CALN1: variants seen among roughly 807,000 people sequenced by gnomAD.
CALN1 encodes the protein calneuron 1.
In CALN1, 17 loss-of-function variants were observed where a neutral mutation model predicts 30.6. The ratio of observed to expected loss-of-function variants is 0.56; its 90% CI spans 0.38 to 0.83. The LOEUF is 0.83. Among genes scored for constraint, CALN1 ranks in the 40% least tolerant of loss-of-function variants. The probability of loss-of-function intolerance (pLI) is 0.00; values close to 1 mark genes in which losing one functional copy is unlikely to be tolerated. For synonymous variants in CALN1, 156 were observed against 131.4 expected, an observed-to-expected ratio of 1.19 and a Z score of -1.28; for missense variants, 291 against 354.9, an observed-to-expected ratio of 0.82 and a Z score of 1.45.
chr7:72,150,262 T>A (rs1436140706), intron 3 of CALN1, among the ~76,000 whole-genome samples: 1 of 152,162 alleles, frequency 6.6e-6, no homozygotes, highest in Non-Finnish European at 1.5e-5. Flanking sequence ...GGGCCTAAAT[T>A]ATTTGAATCA....
At chr7:72,414,462 G>T (rs1807359954), upstream of CALN1, among the ~76,000 whole-genome samples, 1 of 152,288 alleles carries the variant, frequency 6.6e-6, no homozygotes. Flanking sequence ...GGGATGGGTG[G>T]TGGCAAGACC....
At position 72,350,566 on chromosome 7, in the gene CALN1, G is replaced by C. The variant is rs765700774; in HGVS notation, c.119+52685C>G. ...TACTGCATGTTTTCACTTATAAGTG[G>C]GAGCTAAACATTGAGTACATATGGA... On this transcript the variant is annotated intron_variant, in intron 2 of 6. Coordinates refer to ENST00000395275, the MANE Select transcript of CALN1 (RefSeq NM_031468.4). Among the ~76,000 whole-genome samples the C allele has an allele frequency of 4.6e-4, 70 of 152,194 alleles. 1 individual carries two copies. Among genetic ancestry groups the C allele is most frequent in the Middle Eastern group, 6.8e-3 (2 of 294 alleles).
intron 5 of CALN1, among the ~76,000 whole-genome samples, chr7:71,875,831 T>C (rs1040802515): frequency 6.6e-6 from 1 of 152,166 alleles, no homozygotes; most frequent in Non-Finnish European, 1.5e-5. Flanking sequence ...GGGAGAACTT[T>C]AAAAGTGGTC....
intron 4 of CALN1, among the ~76,000 whole-genome samples, chr7:72,088,149 CAG>C (rs1423254969): frequency 3.9e-5 from 6 of 152,264 alleles, no homozygotes; most frequent in African/African-American, 7.2e-5. Flanking sequence ...GCCTGGGACA[CAG>C]AGTCAGACCC....
chr7:71,908,746 G>GTAGA (rs1794271830), intron 5 of CALN1, among the ~76,000 whole-genome samples: 1 of 152,272 alleles, frequency 6.6e-6, no homozygotes, highest in South Asian at 2.1e-4. Context: ...GGGAACTGAG[G>GTAGA]TAGAGCCTCC....
chr7:72,355,912 A>G (rs956585580), intron 2 of CALN1, among the ~76,000 whole-genome samples: 7 of 152,206 alleles, frequency 4.6e-5, no homozygotes, highest in Non-Finnish European at 1.0e-4. Context: ...AAATGGGTGC[A>G]TTTTATTATA....
At chr7:72,121,180 ATAT>A (rs1160338173) in intron 3 of CALN1, among the ~76,000 whole-genome samples, 1 of 144,694 alleles carries the variant, frequency 6.9e-6, no homozygotes, top group African/African-American at 2.5e-5. Context: ...ATATAATTAT[ATAT>A]TATGTATTAT....
intron 3 of CALN1, among the ~76,000 whole-genome samples, chr7:72,273,441 C>T (rs1444263364): frequency 4.5e-5 from 6 of 134,490 alleles, no homozygotes; most frequent in Non-Finnish European, 8.1e-5. Context: ...AAAAAAGCGG[C>T]GGGCGGGGGC....
chr7:72,181,129 T>G (rs947968363), intron 3 of CALN1, among the ~76,000 whole-genome samples: 4 of 131,546 alleles, frequency 3.0e-5, no homozygotes, highest in Non-Finnish European at 6.2e-5. Flanking sequence ...AAAAAATTTT[T>G]GGTACCCTAT....
intron 6 of CALN1, among the ~76,000 whole-genome samples, chr7:71,790,619 G>C (rs1040439711): frequency 2.6e-5 from 4 of 152,218 alleles, no homozygotes; most frequent in Admixed American, 6.5e-5. Context: ...CTGTGCCCTT[G>C]AGGTCGGCAG....
chr7:72,415,955 A>G (rs559601789), upstream of CALN1, among the ~76,000 whole-genome samples: 3 of 152,314 alleles, frequency 2.0e-5, no homozygotes, highest in East Asian at 5.8e-4. Context: ...AAAAACAAAC[A>G]GCCCCAGCCC....
chr7:72,317,782 A>T (rs1285859173), intron 2 of CALN1, among the ~76,000 whole-genome samples: 1 of 152,214 alleles, frequency 6.6e-6, no homozygotes, highest in Non-Finnish European at 1.5e-5. Flanking sequence ...TCTCCCTCCA[A>T]GAGACACCAG....
At chr7:71,813,546 A>G (rs1788084840) in intron 5 of CALN1, among the ~76,000 whole-genome samples, 1 of 152,202 alleles carries the variant, frequency 6.6e-6, no homozygotes, top group African/African-American at 2.4e-5. Context: ...GATTGGAGCC[A>G]GATAAAAACA....
chr7:72,112,281 T>C (rs965389320), intron 3 of CALN1, among the ~76,000 whole-genome samples: 2 of 152,222 alleles, frequency 1.3e-5, no homozygotes, highest in Non-Finnish European at 1.5e-5. Flanking sequence ...AGGTGAAATT[T>C]ACAGTACTAA....
intron 3 of CALN1, among the ~76,000 whole-genome samples, chr7:72,153,164 A>G (rs1011135255): frequency 1.1e-4 from 17 of 152,212 alleles, no homozygotes; most frequent in African/African-American, 3.4e-4. Flanking sequence ...AAGAGTATTT[A>G]AGGATCTTCC....
intron 3 of CALN1, among the ~76,000 whole-genome samples, chr7:72,138,895 G>A (rs1809689657): frequency 7.1e-6 from 1 of 140,352 alleles, no homozygotes; most frequent in African/African-American, 2.7e-5. Flanking sequence ...AATGGGCCAG[G>A]ACTGCCCACA....
chr7:72,001,316 G>A (rs1799517416), intron 5 of CALN1, among the ~76,000 whole-genome samples: 1 of 152,240 alleles, frequency 6.6e-6, no homozygotes, highest in Non-Finnish European at 1.5e-5. Context: ...AAGATCTCAG[G>A]AGTTGGGTGA....
At chr7:72,385,247 C>T (rs1040411638) in intron 2 of CALN1, among the ~76,000 whole-genome samples, 3 of 152,134 alleles carry the variant, frequency 2.0e-5, no homozygotes, top group African/African-American at 7.2e-5. Context: ...AAGTTTCTTA[C>T]AAGGCTAAAC....
chr7:71,813,757 G>A (rs545540206), intron 5 of CALN1, among the ~76,000 whole-genome samples: 61 of 151,978 alleles, frequency 4.0e-4, no homozygotes, highest in South Asian at 2.5e-3. Flanking sequence ...GTGAAACCCC[G>A]TCTCTACTAA....
Sources: gnomAD v4.1 joint callset for allele counts (sites outside exome capture counted in the v4.1 genomes callset) on GRCh38, gnomAD v4.1.1 for gene constraint, MANE v1.5 for transcripts, NCBI Gene and HGNC (gene_info 2026-07-23, HGNC 2026-07-21) for gene names.